Variants in RP1L1 observed in about 807,000 individuals in gnomAD.
The protein encoded by RP1L1 is RP1 like 1.
RP1L1 carries 27 observed loss-of-function variants against 15.7 expected under a neutral mutation model. The observed-to-expected ratio is 1.72, with a 90% CI of 1.27 to 2.38. The LOEUF (loss-of-function observed/expected upper bound fraction) is 2.38, where lower values mean the gene tolerates loss of function less well. RP1L1 is among the 30% of genes most tolerant of loss of function. RP1L1 has a pLI of 0.00. For missense variants in RP1L1, 4,798 were observed against 3,075.9 expected, an observed-to-expected ratio of 1.56 and a Z score of -13.24; for synonymous variants, 1,813 against 1,276.7, an observed-to-expected ratio of 1.42 and a Z score of -8.96.
intron 1 of RP1L1, among the ~76,000 whole-genome samples, chr8:10,646,816 G>A (rs1010844388): frequency 2.0e-5 from 3 of 152,222 alleles, no homozygotes; most frequent in East Asian, 1.9e-4. Context: ...ACTGCTTTCC[G>A]CGGAGAGGCT....
At chr8:10,618,405 G>T (rs953261605) in intron 2 of RP1L1, among the ~76,000 whole-genome samples, 1 of 152,190 alleles carries the variant, frequency 6.6e-6, no homozygotes, top group Non-Finnish European at 1.5e-5. Context: ...CTACTTGGGA[G>T]GCTGAGGCAG....
At chr8:10,641,992 A>T (rs758522199) in intron 1 of RP1L1, among the ~76,000 whole-genome samples, 3 of 152,122 alleles carry the variant, frequency 2.0e-5, no homozygotes, top group Non-Finnish European at 4.4e-5. Flanking sequence ...CACCCCTGTG[A>T]TGATGGACGT....
intron 1 of RP1L1, among the ~76,000 whole-genome samples, chr8:10,631,202 AACAC>A (rs147917321): frequency 1.1e-3 from 165 of 150,054 alleles, no homozygotes; most frequent in Middle Eastern, 3.4e-3. Context: ...CACCTGCAAA[AACAC>A]ACACACACAC....
intron 1 of RP1L1, among the ~76,000 whole-genome samples, chr8:10,623,458 C>A (rs1026018503): frequency 2.0e-5 from 3 of 152,084 alleles, no homozygotes; most frequent in Non-Finnish European, 4.4e-5. Context: ...TTGAGGCTGT[C>A]CCCAGCATTA....
chr8:10,614,457 C>T lies in RP1L1; in HGVS notation c.752-1111G>A, dbSNP rs189974917. ...GGCGGATCACCTGAGGTCAGGAGTT[C>T]AAGACCAGCCTGGCCAACATGGGGA... On this transcript the variant is annotated intron_variant, in intron 3 of 3. Coordinates refer to ENST00000382483, the MANE Select transcript of RP1L1 (RefSeq NM_178857.6). Among the ~76,000 whole-genome samples, 57 of 152,118 alleles carry T rather than the reference C, an allele frequency of 3.7e-4. 1 individual carries two copies. The highest frequency in any genetic ancestry group is 1.3e-3 in the African/African-American group (54 of 41,510).
At chr8:10,632,960 C>A (rs1156382442) in intron 1 of RP1L1, among the ~76,000 whole-genome samples, 1 of 152,212 alleles carries the variant, frequency 6.6e-6, no homozygotes, top group East Asian at 1.9e-4. Flanking sequence ...GAGATGTGTG[C>A]TTCCTCACTC....
At position 10,612,780 on chromosome 8, in the gene RP1L1, G is replaced by T; in HGVS notation, c.1318C>A (p.His440Asn). Reference protein sequence around the residue: ...QHVRCSGLWGHGTAGRERCSQ... With the variant: ...QHVRCSGLWGNGTAGRERCSQ... ...CATCTCTCCCTCCCGGCAGTCCCGT[G>T]GCCCCACAGGCCACTGCAGCGGACG... Residue 440 changes from histidine (H) to asparagine (N), a missense_variant, in exon 4 of 4, where the codon CAC becomes AAC. His to Asn is a moderately conservative substitution (Grantham distance 68). Coordinates refer to ENST00000382483, the MANE Select transcript of RP1L1 (RefSeq NM_178857.6). The T allele has an allele frequency of 6.2e-7, 1 of 1,610,152 alleles. No homozygotes were observed. Among genetic ancestry groups the T allele is most frequent in the Middle Eastern group, 1.7e-4 (1 of 6,056 alleles).
intron 1 of RP1L1, among the ~76,000 whole-genome samples, chr8:10,631,211 A>T (rs1798236497): frequency 6.6e-6 from 1 of 151,920 alleles, no homozygotes; most frequent in African/African-American, 2.4e-5. Flanking sequence ...AAACACACAC[A>T]CACACACACA....
intron 1 of RP1L1, among the ~76,000 whole-genome samples, chr8:10,625,473 G>A (rs1430467363): frequency 6.6e-6 from 1 of 150,632 alleles, no homozygotes; most frequent in Non-Finnish European, 1.5e-5. Context: ...TCTCCACTCT[G>A]TGCCCAGCTG....
chr8:10,611,577 G>A lies in RP1L1; in HGVS notation c.2521C>T (p.Pro841Ser). ...CACAGCCAGCTAGCCTCAGGGGAGG[G>A]TCCCCGCTGGGCCTCTTGGGCCGGC... is the stretch of plus-strand genomic sequence containing the variant. ...TQPAQEAQRG[P>S]SPEASWLCGR... Residue 841 changes from proline (P) to serine (S), a missense_variant, in exon 4 of 4, where the codon CCC (proline) becomes TCC (serine). Physicochemically the swap from Pro to Ser is moderately conservative, Grantham distance 74 (BLOSUM62 -1). Coordinates refer to ENST00000382483, the MANE Select transcript of RP1L1 (RefSeq NM_178857.6). 2 of 1,608,398 alleles carry A rather than the reference G, an allele frequency of 1.2e-6. No individual in the cohort carries two copies. The highest frequency in any genetic ancestry group is 1.7e-6 in the Non-Finnish European group (2 of 1,177,774).
Position 10,612,486 on chromosome 8 carries a change from T to C in RP1L1, c.1612A>G (p.Ser538Gly). ...EEGASSDSSA[S>G]TGSHEGSSEW... is the part of the protein sequence containing the mutation. ...CTGGATCCCTCATGAGAGCCGGTGC[T>C]GGCTGACGAGTCCGAAGAAGCCCCC... Residue 538 changes from serine to glycine, a missense_variant, in exon 4 of 4, where the codon AGC (serine) becomes GGC (glycine). Coordinates refer to ENST00000382483, the MANE Select transcript of RP1L1 (RefSeq NM_178857.6). The C allele has an allele frequency of 6.2e-7, 1 of 1,612,580 alleles. No homozygotes were observed. Among genetic ancestry groups the C allele is most frequent in the Non-Finnish European group, 8.5e-7 (1 of 1,179,986 alleles).
Position 10,610,233 on chromosome 8 carries a change from G to A in RP1L1, c.3865C>T (p.Leu1289=), listed in dbSNP as rs372492814. The A allele has an allele frequency of 6.5e-5, 105 of 1,609,362 alleles. No individual in the cohort carries two copies. The highest frequency in any genetic ancestry group is 8.0e-5 in the Non-Finnish European group (94 of 1,177,858). Residue 1289 remains leucine (L), a synonymous_variant, in exon 4 of 4, where the codon CTG becomes TTG. Transcript: ENST00000382483. ...ACTGTGTTTTCAGCTAACTGCTCCA[G>A]GTTCGAGCTCGCCCTCTGCTCCTCA... ...DSEEQRASSN[L]EQLAENTVQE... is the part of the protein sequence containing the mutation.
chr8:10,620,505 C>G (rs1798040930), intron 2 of RP1L1, among the ~76,000 whole-genome samples: 1 of 152,240 alleles, frequency 6.6e-6, no homozygotes, highest in East Asian at 1.9e-4. Context: ...ACTTGGGAGG[C>G]TGAGGCAGGA....
chr8:10,615,167 T>C (rs935955742), intron 3 of RP1L1, among the ~76,000 whole-genome samples: 1 of 152,182 alleles, frequency 6.6e-6, no homozygotes, highest in Non-Finnish European at 1.5e-5. Flanking sequence ...TCACCGAGCC[T>C]GTCCCTTGGG....
At position 10,607,574 on chromosome 8, in the gene RP1L1, G is replaced by C; in HGVS notation, c.6524C>G (p.Pro2175Arg). ...EAQEAEEEAQ[P>R]ELEGVEAPEA... ...TGGGGCCTCTACACCTTCTAACTCT[G>C]GTTGGGCCTCCTCTTCAGCCTCCTG... Residue 2175 changes from proline to arginine, a missense_variant, in exon 4 of 4, where the codon CCA (proline) becomes CGA (arginine). Transcript: ENST00000382483. 1 of 1,565,628 alleles carries C rather than the reference G, an allele frequency of 6.4e-7. No homozygotes were observed. Among genetic ancestry groups the C allele is most frequent in the Non-Finnish European group, 8.7e-7 (1 of 1,145,962 alleles).
chr8:10,646,632 G>C (rs1050963600), intron 1 of RP1L1, among the ~76,000 whole-genome samples: 1 of 152,022 alleles, frequency 6.6e-6, no homozygotes, highest in East Asian at 1.9e-4. Context: ...GGACGGAGGG[G>C]ACCGAGCCAG....
rs771358254 is a variant in RP1L1, at chr8:10,623,131, G to T, written c.71C>A (p.Thr24Asn). The change falls in exon 2 of 4, where the codon ACC (threonine) becomes AAC (asparagine). Residue 24 changes from threonine to asparagine, a missense_variant. Physicochemically the swap from Thr to Asn is moderately conservative, Grantham distance 65 (BLOSUM62 0). Coordinates refer to ENST00000382483, the MANE Select transcript of RP1L1 (RefSeq NM_178857.6). ...TGGCGTGACCTTGGTGACCGAGGGG[G>T]TGCGAGCCACAGAGGGCAGGAAGCA... ...RECFLPSVARTPSVTKVTPAK... is the reference protein window; with the variant it reads ...RECFLPSVARNPSVTKVTPAK... 1 of 1,609,740 alleles carries T rather than the reference G, an allele frequency of 6.2e-7. No individual in the cohort carries two copies. Among genetic ancestry groups the T allele is most frequent in the Admixed American group, 1.7e-5 (1 of 59,814 alleles).
In RP1L1 at chr8:10,622,997, A is replaced by C; in HGVS notation, c.205T>G (p.Ser69Ala). The C allele has an allele frequency of 1.2e-6, 2 of 1,614,122 alleles. No individual in the cohort carries two copies. Among genetic ancestry groups the C allele is most frequent in the Non-Finnish European group, 1.7e-6 (2 of 1,180,020 alleles). Residue 69 changes from serine to alanine, a missense_variant, in exon 2 of 4, where the codon TCC becomes GCC. Coordinates refer to ENST00000382483, the MANE Select transcript of RP1L1 (RefSeq NM_178857.6). ...KTFSALMDEL[S>A]QRVPLSFGVR... ...CCAAAGGAGAGAGGCACGCGCTGGG[A>C]GAGCTCGTCCATGAGGGCGCTGAAG...
At chr8:10,625,334 C>T (rs1387101226) in intron 1 of RP1L1, among the ~76,000 whole-genome samples, 2 of 152,196 alleles carry the variant, frequency 1.3e-5, no homozygotes, top group African/African-American at 4.8e-5. Context: ...GAAGGCTCTT[C>T]CTCCAGTACC....
Sources: gnomAD v4.1 joint callset for allele counts (sites outside exome capture counted in the v4.1 genomes callset) on GRCh38, gnomAD v4.1.1 for gene constraint, MANE v1.5 for transcripts, NCBI Gene and HGNC (gene_info 2026-07-23, HGNC 2026-07-21) for gene names.